The following PCDHA8 variants were observed in gnomAD, a reference collection of about 807,000 sequenced individuals.
The protein encoded by PCDHA8 is protocadherin alpha 8.
PCDHA8 carries 53 observed loss-of-function variants against 61.8 expected under a neutral mutation model. The ratio of observed to expected loss-of-function variants is 0.86; its 90% confidence interval spans 0.69 to 1.08. PCDHA8 has a LOEUF of 1.08. Ranked by LOEUF, PCDHA8 falls within the 50% of genes least tolerant of loss-of-function variation. PCDHA8 has a pLI of 0.00. For missense variants in PCDHA8, 1,293 were observed against 1,245.0 expected, an observed-to-expected ratio of 1.04 and a Z score of -0.58; for synonymous variants, 618 against 556.6, an observed-to-expected ratio of 1.11 and a Z score of -1.55.
At chr5:140,947,734 C>T (rs2094167568) in intron 1 of PCDHA8, among the ~76,000 whole-genome samples, 1 of 151,286 alleles carries the variant, frequency 6.6e-6, no homozygotes, top group African/African-American at 2.4e-5. Flanking sequence ...TTTTGTAATA[C>T]CTATTCTTAT....
At chr5:140,966,983 G>T (rs782294035) in intron 1 of PCDHA8, 1 of 1,603,778 alleles carries the variant, frequency 6.2e-7, no homozygotes, top group Non-Finnish European at 8.5e-7. Flanking sequence ...GCGGCGCTTG[G>T]GGCCGGGTTG....
At chr5:140,993,437 C>A (rs1193523462) in intron 3 of PCDHA8, among the ~76,000 whole-genome samples, 1 of 150,056 alleles carries the variant, frequency 6.7e-6, no homozygotes, top group Non-Finnish European at 1.5e-5. Context: ...AATCCTTATT[C>A]ATTCCTGTTC....
chr5:140,852,577 T>G, intron 1 of PCDHA8: 3 of 825,200 alleles, frequency 3.6e-6, no homozygotes, highest in Non-Finnish European at 3.0e-6. Flanking sequence ...TGCCAAGGCT[T>G]TTTTATTTTT....
intron 1 of PCDHA8, chr5:140,866,209 TGGA>T (rs371374348): frequency 2.8e-4 from 43 of 152,294 alleles, no homozygotes; most frequent in African/African-American, 7.9e-4. Context: ...AATATCCTTG[TGGA>T]ACACCTAAAC....
chr5:140,887,537 C>A (rs530539711), intron 1 of PCDHA8, among the ~76,000 whole-genome samples: 7 of 152,132 alleles, frequency 4.6e-5, no homozygotes, highest in African/African-American at 7.2e-5. Flanking sequence ...TTCCTCTCCC[C>A]ACCCCTCATG....
chr5:140,870,302 T>A (rs782099481), intron 1 of PCDHA8: 9 of 1,614,020 alleles, frequency 5.6e-6, no homozygotes, highest in South Asian at 4.4e-5. Flanking sequence ...GTGTCCACCT[T>A]CAAGAATTAC....
In PCDHA8 at chr5:140,918,657, T is replaced by G. The variant is rs116489086; in HGVS notation, c.2395-60292T>G. Among the ~76,000 whole-genome samples, 1,219 of 152,370 alleles carry G rather than the reference T, an allele frequency of 8.0e-3. 6 individuals are homozygous for G. The highest frequency in any genetic ancestry group is 0.019 in the African/African-American group (787 of 41,596). ...CATAAATTGAAACCTAATTCTCATG[T>G]TGATGGTATGAAGAGGTGAGACCTT... On this transcript the variant is annotated intron_variant, in intron 1 of 3. Coordinates refer to ENST00000531613, the MANE Select transcript of PCDHA8 (RefSeq NM_018911.3).
chr5:140,887,523 A>G (rs2061479096), intron 1 of PCDHA8, among the ~76,000 whole-genome samples: 1 of 152,078 alleles, frequency 6.6e-6, no homozygotes, highest in Non-Finnish European at 1.5e-5. Flanking sequence ...TTTATATATG[A>G]GTCTTCCTCT....
chr5:140,863,268 G>T (rs781869652), intron 1 of PCDHA8: 5 of 1,459,234 alleles, frequency 3.4e-6, no homozygotes, highest in African/African-American at 1.4e-5. Flanking sequence ...GGGAGGCAGC[G>T]CTGGTGGATG....
At chr5:140,869,561 C>T (rs781968482) in intron 1 of PCDHA8, 28 of 1,614,032 alleles carry the variant, frequency 1.7e-5, no homozygotes, top group Middle Eastern at 1.6e-4. Context: ...TCGCGTTTTC[C>T]ACTAGAGGGA....
intron 1 of PCDHA8, chr5:140,860,591 G>A (rs1379623651): frequency 6.6e-6 from 1 of 152,168 alleles, no homozygotes; most frequent in Non-Finnish European, 1.5e-5. Context: ...TAGGAAAGGA[G>A]TTGGAAGCTC....
At chr5:140,850,001 C>T in intron 1 of PCDHA8, 1 of 1,597,070 alleles carries the variant, frequency 6.3e-7, no homozygotes, top group Non-Finnish European at 8.6e-7. Flanking sequence ...TGGGCGAGCG[C>T]TCGCTGTCGA....
At chr5:140,885,189 C>T (rs1554182051) in intron 1 of PCDHA8, among the ~76,000 whole-genome samples, 1 of 151,992 alleles carries the variant, frequency 6.6e-6, no homozygotes, top group Non-Finnish European at 1.5e-5. Context: ...CATCAGTGTT[C>T]CCCTCTCATA....
intron 3 of PCDHA8, among the ~76,000 whole-genome samples, chr5:140,990,586 A>G (rs544396898): frequency 7.2e-5 from 11 of 152,284 alleles, no homozygotes; most frequent in African/African-American, 2.6e-4. Flanking sequence ...CTTTTCCTAT[A>G]ATCACCTGGA....
In PCDHA8 at chr5:141,009,694, A is replaced by G. The variant is rs782798367; in HGVS notation, c.2610A>G (p.Lys870=). The part of the protein sequence containing the change: ...AGVNSNSWTF[K]YGPGNPKQSG... ...TCAACAGCAACAGCTGGACCTTTAA[A>G]TACGGACCAGGCAACCCCAAACAAT... is the stretch of plus-strand genomic sequence containing the variant. The change falls in exon 4 of 4, where the codon AAA becomes AAG. Residue 870 remains lysine (K), a synonymous_variant. Transcript: ENST00000531613. 5 of 1,613,890 alleles carry G rather than the reference A, an allele frequency of 3.1e-6. No homozygotes were observed. In the Admixed American group the frequency reaches 6.7e-5, roughly 22 times the overall value.
At chr5:140,993,509 C>T (rs930990761) in intron 3 of PCDHA8, among the ~76,000 whole-genome samples, 23 of 143,490 alleles carry the variant, frequency 1.6e-4, no homozygotes, top group Admixed American at 3.5e-4. Context: ...CACACACACA[C>T]GGGGAGAGAG....
rs577931904 is a variant in PCDHA8 at position 140,968,275 on chromosome 5, G to A, written c.2395-10674G>A. On this transcript the variant is annotated intron_variant, in intron 1 of 3. Coordinates refer to ENST00000531613, the MANE Select transcript of PCDHA8 (RefSeq NM_018911.3). ...ACCCAGATGAAAAGGAGAATGCAGA[G>A]GTGACCTACTCCCTTCTGGAGAGGG... is the stretch of plus-strand genomic sequence containing the variant. The A allele has an allele frequency of 5.0e-6, 8 of 1,614,040 alleles. No individual in the cohort carries two copies. The African/African-American group carries it at 8.0e-5, about 16-fold the overall frequency.
At chr5:140,975,003 A>G (rs1170426656) in intron 1 of PCDHA8, among the ~76,000 whole-genome samples, 3 of 152,152 alleles carry the variant, frequency 2.0e-5, no homozygotes, top group Non-Finnish European at 4.4e-5. Flanking sequence ...CAAGGCTGAA[A>G]TGAACACAGC....
rs782722148 is a variant in PCDHA8, at chr5:140,857,308, T to A, written c.2394+13593T>A. 2 of 1,597,818 alleles carry A rather than the reference T, an allele frequency of 1.3e-6. 1 individual carries two copies. Among genetic ancestry groups the A allele is most frequent in the African/African-American group, 2.7e-5 (2 of 74,344 alleles). Reference sequence around the variant, plus strand: ...TGGACCGCGAGAGGGTGTCGGCCTATGAGCTGGTGGTGACCGCGCGGGACG... The same window carrying A: ...TGGACCGCGAGAGGGTGTCGGCCTAAGAGCTGGTGGTGACCGCGCGGGACG... On this transcript the variant is annotated intron_variant, in intron 1 of 3. Coordinates refer to ENST00000531613, the MANE Select transcript of PCDHA8 (RefSeq NM_018911.3).
Sources: allele counts gnomAD v4.1 joint callset (sites outside exome capture counted in the v4.1 genomes callset), GRCh38; gene constraint gnomAD v4.1.1; transcripts MANE v1.5; gene names NCBI Gene and HGNC (gene_info 2026-07-23, HGNC 2026-07-21).